KPNA7: variants seen among roughly 807,000 people sequenced by gnomAD.
The protein encoded by KPNA7 is karyopherin subunit alpha 7.
KPNA7 carries 54 observed loss-of-function variants against 53.7 expected under a neutral mutation model. That is an observed-to-expected ratio of 1.01 (90% confidence interval 0.81 to 1.26). The LOEUF (loss-of-function observed/expected upper bound fraction) is 1.26. Among genes scored for constraint, KPNA7 ranks in the 50% most tolerant of loss-of-function variants. The pLI, the probability that KPNA7 is intolerant of heterozygous loss-of-function variation, is 0.00. For synonymous variants in KPNA7, 276 were observed against 259.3 expected, an observed-to-expected ratio of 1.06 and a Z score of -0.62; for missense variants, 640 against 644.5, an observed-to-expected ratio of 0.99 and a Z score of 0.07.
chr7:99,209,421 A>T (rs1374455934), upstream of KPNA7, among the ~76,000 whole-genome samples: 1 of 152,072 alleles, frequency 6.6e-6, no homozygotes, highest in Non-Finnish European at 1.5e-5. Flanking sequence ...CCATTGCCTT[A>T]TTCCAATCTG....
At chr7:99,186,293 T>C (rs1789586845) in intron 7 of KPNA7, among the ~76,000 whole-genome samples, 1 of 152,182 alleles carries the variant, frequency 6.6e-6, no homozygotes. Flanking sequence ...ACTATGGCTT[T>C]ATTCAGATTT....
At chr7:99,178,734 G>C (rs1799020125) in intron 9 of KPNA7, among the ~76,000 whole-genome samples, 1 of 118,998 alleles carries the variant, frequency 8.4e-6, no homozygotes, top group Non-Finnish European at 1.6e-5. Flanking sequence ...GGGATTACAG[G>C]TATGAGCCAC....
chr7:99,209,811 A>C (rs1351231118), upstream of KPNA7, among the ~76,000 whole-genome samples: 2 of 151,750 alleles, frequency 1.3e-5, no homozygotes, highest in African/African-American at 4.8e-5. Context: ...GTTCAAGACC[A>C]GCTTGGGCAA....
At chr7:99,188,631 T>C (rs1789767501) in intron 6 of KPNA7, 68 bp from the exon 7 acceptor site, 1 of 1,464,298 alleles carries the variant, frequency 6.8e-7, no homozygotes, top group African/African-American at 1.4e-5. Context: ...AGTGTGTTCT[T>C]ACCATTTCCA....
chr7:99,201,239 T>C lies in KPNA7; in HGVS notation c.201+1867A>G, dbSNP rs538618467. Among the ~76,000 whole-genome samples, 3 of 152,260 alleles carry C rather than the reference T, an allele frequency of 2.0e-5. No homozygotes were observed. The South Asian group carries it at 6.2e-4, about 32-fold the overall frequency. ...ACTCCTGAATGACTGGAGTTTCTAT[T>C]TGAGGTGATGAATAGGTTCTGGAAT... On this transcript the variant is annotated intron_variant, in intron 3 of 10. Coordinates refer to ENST00000327442, the MANE Select transcript of KPNA7 (RefSeq NM_001145715.3).
chr7:99,153,032 T>C, the KPNA7 span, among the ~76,000 whole-genome samples: 5 of 152,238 alleles, frequency 3.3e-5, no homozygotes, highest in Non-Finnish European at 5.9e-5. Context: ...AATATTTTTA[T>C]AATAACGGGC....
At chr7:99,217,941 A>T (rs1340988466) in intron 1 of KPNA7, among the ~76,000 whole-genome samples, 1 of 151,832 alleles carries the variant, frequency 6.6e-6, no homozygotes, top group Non-Finnish European at 1.5e-5. Flanking sequence ...CCACCTCGCC[A>T]CTCTTTAGCT....
chr7:99,213,209 C>T (rs941378148), intron 1 of KPNA7, among the ~76,000 whole-genome samples: 1 of 151,226 alleles, frequency 6.6e-6, no homozygotes, highest in African/African-American at 2.4e-5. Flanking sequence ...TCACTGCAAC[C>T]TCCGCCTCCC....
chr7:99,179,915 C>T (rs1209526629), intron 9 of KPNA7, among the ~76,000 whole-genome samples: 1 of 152,088 alleles, frequency 6.6e-6, no homozygotes, highest in Non-Finnish European at 1.5e-5. Context: ...CCAAATGAAC[C>T]TAGCTAGCCT....
chr7:99,190,959 C>G (rs148118774), intron 6 of KPNA7, among the ~76,000 whole-genome samples: 21 of 152,156 alleles, frequency 1.4e-4, no homozygotes, highest in South Asian at 6.2e-4. Context: ...AATGGTGTCT[C>G]CAACTCGCCT....
the KPNA7 span, among the ~76,000 whole-genome samples, chr7:99,166,299 T>C: frequency 4.6e-5 from 7 of 152,234 alleles, no homozygotes; most frequent in East Asian, 1.2e-3. Context: ...GCCTAGCACC[T>C]ACTATGTTTC....
intron 3 of KPNA7, among the ~76,000 whole-genome samples, chr7:99,199,443 C>T (rs1227775944): frequency 2.0e-5 from 3 of 152,188 alleles, no homozygotes; most frequent in African/African-American, 7.2e-5. Context: ...TGAACCCTCA[C>T]ATTCACGGTC....
At chr7:99,167,924 C>T in the KPNA7 span, among the ~76,000 whole-genome samples, 10 of 152,036 alleles carry the variant, frequency 6.6e-5, no homozygotes, top group African/African-American at 2.2e-4. Context: ...TTATCCATTA[C>T]AATGTGATAA....
At chr7:99,202,894 G>C (rs1428827507) in intron 3 of KPNA7, among the ~76,000 whole-genome samples, 5 of 151,694 alleles carry the variant, frequency 3.3e-5, no homozygotes, top group Admixed American at 2.0e-4. Flanking sequence ...TCCCCCACTA[G>C]AATCTAGATT....
At chr7:99,168,217 C>T in the KPNA7 span, among the ~76,000 whole-genome samples, 1 of 152,188 alleles carries the variant, frequency 6.6e-6, no homozygotes, top group Non-Finnish European at 1.5e-5. Flanking sequence ...TTAGCATTTG[C>T]CTCTCAAATG....
At chr7:99,209,203 A>G (rs1790974218), upstream of KPNA7, among the ~76,000 whole-genome samples, 1 of 151,952 alleles carries the variant, frequency 6.6e-6, no homozygotes, top group African/African-American at 2.4e-5. Flanking sequence ...GGAGTTATAA[A>G]TCAGGCATAT....
At chr7:99,202,078 A>G (rs1790566826) in intron 3 of KPNA7, among the ~76,000 whole-genome samples, 1 of 152,114 alleles carries the variant, frequency 6.6e-6, no homozygotes. Flanking sequence ...AAATGAAGCT[A>G]ACTAGAGATA....
At chr7:99,172,687 G>T (rs754333254), downstream of KPNA7, among the ~76,000 whole-genome samples, 1 of 152,152 alleles carries the variant, frequency 6.6e-6, no homozygotes, top group Non-Finnish European at 1.5e-5. Flanking sequence ...TCAGTGTCAG[G>T]ATATTAATTG....
chr7:99,191,548 G>C (rs1270220865), intron 6 of KPNA7, among the ~76,000 whole-genome samples: 1 of 152,156 alleles, frequency 6.6e-6, no homozygotes, highest in Non-Finnish European at 1.5e-5. Context: ...CTAGCAGGAA[G>C]ATGTCTAAGC....
Sources: allele counts gnomAD v4.1 joint callset (sites outside exome capture counted in the v4.1 genomes callset), GRCh38; gene constraint gnomAD v4.1.1; transcripts MANE v1.5; gene names NCBI Gene and HGNC (gene_info 2026-07-23, HGNC 2026-07-21).